The following MNT variants were observed in gnomAD, a reference collection of about 807,000 sequenced individuals.
The protein encoded by MNT is max-binding protein MNT.
Under a neutral mutation model 40.7 loss-of-function variants are expected in MNT, and 13 were observed. That is an observed-to-expected ratio of 0.32 (90% confidence interval 0.21 to 0.51). MNT has a LOEUF of 0.51. Among genes scored for constraint, MNT ranks in the 20% least tolerant of loss-of-function variants. MNT has a pLI of 0.98. For missense variants in MNT, 757 were observed against 792.0 expected, an observed-to-expected ratio of 0.96 and a Z score of 0.53; for synonymous variants, 426 against 354.8, an observed-to-expected ratio of 1.20 and a Z score of -2.26.
chr17:2,385,560 C>G lies in MNT; in HGVS notation c.*1341G>C, dbSNP rs62067041. 13,458 of 152,608 alleles carry G rather than the reference C, an allele frequency of 0.088. 774 individuals are homozygous for G. The highest frequency in any genetic ancestry group is 0.15 in the African/African-American group (6,348 of 41,580). The allele number at this position is 152,608 out of a possible 1,614,324, so 9.5% of individuals were successfully genotyped here. On this transcript the variant is annotated 3_prime_UTR_variant, in exon 6 of 6. Transcript: ENST00000174618. ...GCATCCTAACACAGAGCCCCTGACT[C>G]CTCCCCCTTCCACGCTCAGCCCTGT...
At chr17:2,388,702 C>G (rs1399381821) in intron 4 of MNT, among the ~76,000 whole-genome samples, 1 of 152,146 alleles carries the variant, frequency 6.6e-6, no homozygotes, top group Non-Finnish European at 1.5e-5. Context: ...AGGAACGTGC[C>G]CCCTGTACTT....
chr17:2,395,618 C>T (rs937040758), intron 1 of MNT, among the ~76,000 whole-genome samples, 164 bp from the exon 2 acceptor site: 1 of 152,014 alleles, frequency 6.6e-6, no homozygotes, highest in African/African-American at 2.4e-5. Context: ...GGGAAAGTGC[C>T]GGGGGCACAG....
intron 1 of MNT, among the ~76,000 whole-genome samples, chr17:2,399,197 C>T (rs1301927522): frequency 6.6e-6 from 1 of 152,126 alleles, no homozygotes; most frequent in African/African-American, 2.4e-5. Context: ...CAGGAGTCCC[C>T]GGGTCCTGCA....
At chr17:2,400,593 T>TC in intron 1 of MNT, 47 bp downstream of exon 1, 4 of 1,540,250 alleles carry the variant, frequency 2.6e-6, no homozygotes, top group Non-Finnish European at 3.5e-6. Flanking sequence ...CCGGGGTCAC[T>TC]CGCTTCCCCT....
chr17:2,394,207 GGGGGAGGCAGGACC>G, intron 3 of MNT, 53 bp from the exon 4 acceptor site: 1 of 1,599,832 alleles, frequency 6.3e-7, no homozygotes, highest in East Asian at 2.3e-5. Context: ...GGCTGGGACG[GGGGGAGGCAGGACC>G]GGGGAAGCTG....
intron 1 of MNT, among the ~76,000 whole-genome samples, chr17:2,397,869 A>G (rs1362031729): frequency 6.6e-6 from 1 of 152,246 alleles, no homozygotes; most frequent in East Asian, 1.9e-4. Flanking sequence ...TCCACCAGAC[A>G]GGGTGCGCCC....
intron 4 of MNT, chr17:2,391,820 G>C (rs2066517617): frequency 6.6e-6 from 1 of 152,288 alleles, no homozygotes; most frequent in Non-Finnish European, 1.5e-5. Flanking sequence ...TTTGTTCTTA[G>C]AGACGGAGGT....
intron 4 of MNT, among the ~76,000 whole-genome samples, chr17:2,388,943 G>A (rs774204494): frequency 1.3e-5 from 2 of 152,074 alleles, no homozygotes; most frequent in Admixed American, 6.6e-5. Flanking sequence ...GCCTGCTCTC[G>A]AGCTCCTAGC....
At chr17:2,400,429 G>A (rs765620213) in intron 1 of MNT, 37 of 472,548 alleles carry the variant, frequency 7.8e-5, no homozygotes, top group Non-Finnish European at 1.2e-4. Context: ...GCAGGAGCCA[G>A]GTCCCTCGCA....
At chr17:2,399,356 C>G (rs1167939141) in intron 1 of MNT, among the ~76,000 whole-genome samples, 2 of 152,324 alleles carry the variant, frequency 1.3e-5, no homozygotes, top group East Asian at 3.9e-4. Flanking sequence ...CGAGGGAGCG[C>G]CGAAGTTTGC....
rs1206077295 is a variant in MNT at position 2,387,209 on chromosome 17, G to A, written c.1441C>T (p.Leu481=). ...APSAPSPAVQ[L]APATPPIGHI... is the part of the protein sequence containing the mutation. ...CCAATGGGGGGTGTGGCAGGCGCCA[G>A]TTGCACCGCAGGGCTGGGGGCCGAG... The change falls in exon 6 of 6, where the codon CTG becomes TTG. Residue 481 remains leucine (L), a synonymous_variant. Transcript: ENST00000174618. 6.2e-7 allele frequency: 1 copy of A among 1,609,134 alleles called. No homozygotes were observed. The highest frequency in any genetic ancestry group is 8.5e-7 in the Non-Finnish European group (1 of 1,178,438).
Position 2,392,907 on chromosome 17 carries a change from T to G in MNT, c.807+1136A>C, listed in dbSNP as rs550738435. 1,429 of 152,238 alleles carry G rather than the reference T, an allele frequency of 9.4e-3. 23 individuals carry two copies. The highest frequency in any genetic ancestry group is 0.032 in the African/African-American group (1,323 of 41,518). 9.4% of individuals were successfully genotyped at this position (152,238 alleles called of 1,614,324 possible). A position where few individuals can be genotyped will look rare whatever the true frequency, so the allele number is the denominator to read the frequency against. On this transcript the variant is annotated intron_variant, in intron 4 of 5. Coordinates refer to ENST00000174618, the MANE Select transcript of MNT (RefSeq NM_020310.3). ...CGTTGGCGGGAGGCTGGGAGAGAGC[T>G]GCCCCCCTGGAGCAGTCGCGAAGCA... is the stretch of plus-strand genomic sequence containing the variant.
At chr17:2,392,528 C>CG (rs1323163735) in intron 4 of MNT, among the ~76,000 whole-genome samples, 2 of 152,248 alleles carry the variant, frequency 1.3e-5, no homozygotes, top group Non-Finnish European at 2.9e-5. Context: ...AAGCAAATGT[C>CG]GGGAGTGCAG....
At position 2,387,843 on chromosome 17, in the gene MNT, G is replaced by C. The variant is rs1165781192; in HGVS notation, c.1000+14C>G. The C allele has an allele frequency of 2.5e-6, 4 of 1,587,386 alleles. No individual in the cohort carries two copies. In the Admixed American group the frequency reaches 6.8e-5, roughly 27 times the overall value. On this transcript the variant is annotated intron_variant, in intron 5 of 5. Coordinates refer to ENST00000174618, the MANE Select transcript of MNT (RefSeq NM_020310.3). ...TCTGAGGGCTGGGGGGCCAGCGTGG[G>C]GGCTGGGGCTCACCAGAGGCGGTGG...
intron 4 of MNT, among the ~76,000 whole-genome samples, chr17:2,388,501 C>T (rs747252809): frequency 7.2e-5 from 11 of 152,142 alleles, no homozygotes; most frequent in Non-Finnish European, 1.5e-4. Flanking sequence ...CAGTGACACG[C>T]CCTCGCCCCA....
intron 4 of MNT, chr17:2,391,873 A>G (rs1471249422): frequency 6.6e-6 from 1 of 152,226 alleles, no homozygotes; most frequent in African/African-American, 2.4e-5. Context: ...CCTGGGCTCA[A>G]GCGCTCTTAC....
chr17:2,387,781 G>A, intron 5 of MNT, 76 bp downstream of exon 5: 1 of 1,549,178 alleles, frequency 6.5e-7, no homozygotes, highest in Admixed American at 1.8e-5. Flanking sequence ...AGGCAAGAAA[G>A]AGCCTGGCCA....
intron 1 of MNT, chr17:2,400,190 A>G (rs1470445772): frequency 2.4e-5 from 4 of 169,370 alleles, no homozygotes; most frequent in Non-Finnish European, 5.1e-5. Context: ...CGTGTGCTAT[A>G]CACACGCCCG....
At chr17:2,391,995 T>C (rs2066520020) in intron 4 of MNT, 4 of 152,294 alleles carry the variant, frequency 2.6e-5, no homozygotes, top group African/African-American at 9.6e-5. Flanking sequence ...GGGCTGCCCC[T>C]GGGCTCTTGG....
Sources: gnomAD v4.1 joint callset for allele counts (sites outside exome capture counted in the v4.1 genomes callset) on GRCh38, gnomAD v4.1.1 for gene constraint, MANE v1.5 for transcripts, NCBI Gene and HGNC (gene_info 2026-07-23, HGNC 2026-07-21) for gene names.